Variants in ZC3H12B observed in about 807,000 individuals in gnomAD.
The protein encoded by ZC3H12B is zinc finger CCCH-type containing 12B.
Under a neutral mutation model 43.9 loss-of-function variants are expected in ZC3H12B, and 7 were observed. That is an observed-to-expected ratio of 0.16 (90% confidence interval 0.09 to 0.30). ZC3H12B has a LOEUF of 0.30. Ranked by LOEUF, ZC3H12B falls within the 10% of genes least tolerant of loss-of-function variation. The pLI is 1.00. For synonymous variants in ZC3H12B, 222 were observed against 241.7 expected (o/e 0.92, Z 0.76); for missense variants, 475 against 670.2 (o/e 0.71, Z 3.22).
chrX:65,343,134 A>G, the ZC3H12B span, among the ~76,000 whole-genome samples: 1 of 111,460 alleles, frequency 9.0e-6, no homozygotes, highest in Non-Finnish European at 1.9e-5. Context: ...TGAATCCCTC[A>G]AGAGACCAAT....
chrX:65,399,326 A>G (rs2066737523), intron 3 of ZC3H12B, among the ~76,000 whole-genome samples: 1 of 112,227 alleles, frequency 8.9e-6, no homozygotes, highest in Admixed American at 9.5e-5. Context: ...AAACACCTCT[A>G]TAGGAAAGGA....
At chrX:65,192,978 T>C in the ZC3H12B span, among the ~76,000 whole-genome samples, 1 of 110,972 alleles carries the variant, frequency 9.0e-6, no homozygotes, top group African/African-American at 3.3e-5. Flanking sequence ...TTCACCATGT[T>C]GGCCAGGATG....
chrX:65,458,124 A>G (rs1390759959), intron 3 of ZC3H12B, among the ~76,000 whole-genome samples: 1 of 103,997 alleles, frequency 9.6e-6, no homozygotes, highest in Non-Finnish European at 2.0e-5. Flanking sequence ...GCCATTACAT[A>G]ATGGTAAAGG....
the ZC3H12B span, among the ~76,000 whole-genome samples, chrX:65,099,936 G>T: frequency 8.9e-6 from 1 of 111,744 alleles, no homozygotes; most frequent in South Asian, 3.7e-4. Context: ...AAACTCCTCT[G>T]AGCAAAAGGA....
the ZC3H12B span, among the ~76,000 whole-genome samples, chrX:65,037,963 T>A: frequency 9.0e-6 from 1 of 111,155 alleles, no homozygotes; most frequent in African/African-American, 3.3e-5. Flanking sequence ...ATGTTTAAAC[T>A]GCAATTACAA....
the ZC3H12B span, among the ~76,000 whole-genome samples, chrX:65,228,007 G>T: frequency 1.8e-5 from 2 of 111,722 alleles, no homozygotes; most frequent in Non-Finnish European, 3.8e-5. Flanking sequence ...AAAAGAAAAA[G>T]AGGGAATCCT....
chrX:65,159,897 G>A, the ZC3H12B span, among the ~76,000 whole-genome samples: 1 of 111,580 alleles, frequency 9.0e-6, no homozygotes, highest in African/African-American at 3.3e-5. Context: ...TTGGCTGTGG[G>A]TTTGTCATAG....
chrX:65,456,239 C>T (rs1321470803), intron 3 of ZC3H12B, among the ~76,000 whole-genome samples: 25 of 111,318 alleles, frequency 2.2e-4, no homozygotes, highest in African/African-American at 6.2e-4. Flanking sequence ...ACCCATCTCA[C>T]GTGCAGAGAC....
intron 3 of ZC3H12B, among the ~76,000 whole-genome samples, chrX:65,409,100 TA>T (rs1325764059): frequency 9.0e-6 from 1 of 111,167 alleles, no homozygotes; most frequent in Non-Finnish European, 1.9e-5. Flanking sequence ...ATGCATTAAA[TA>T]TTGGGCAAAA....
chrX:65,175,083 A>G, the ZC3H12B span, among the ~76,000 whole-genome samples: 1 of 112,109 alleles, frequency 8.9e-6, no homozygotes, highest in Non-Finnish European at 1.9e-5. Context: ...AAAGCACAGT[A>G]TCTGGGCCAG....
the ZC3H12B span, among the ~76,000 whole-genome samples, chrX:65,194,952 G>C: frequency 9.0e-6 from 1 of 111,451 alleles, no homozygotes; most frequent in Non-Finnish European, 1.9e-5. Context: ...TTTTTGTCTT[G>C]AAATTTATTT....
chrX:65,170,307 G>T, the ZC3H12B span, among the ~76,000 whole-genome samples: 1 of 111,459 alleles, frequency 9.0e-6, no homozygotes. Context: ...TAATTTGGCT[G>T]GATATGAAAT....
At chrX:65,171,806 C>T in the ZC3H12B span, among the ~76,000 whole-genome samples, 5 of 111,410 alleles carry the variant, frequency 4.5e-5, no homozygotes, top group Non-Finnish European at 9.4e-5. Context: ...GTGCTAGCAA[C>T]GAGTGAGGCT....
At chrX:65,113,566 A>AT in the ZC3H12B span, among the ~76,000 whole-genome samples, 2 of 83,640 alleles carry the variant, frequency 2.4e-5, no homozygotes, top group African/African-American at 1.8e-4. Flanking sequence ...CTTGTTTTAT[A>AT]AAAAAAAAAA....
chrX:65,454,892 C>A (rs1393946401), intron 3 of ZC3H12B, among the ~76,000 whole-genome samples: 1 of 112,066 alleles, frequency 8.9e-6, no homozygotes, highest in African/African-American at 3.2e-5. Context: ...TTCCGGCAAA[C>A]TGCAACACAC....
chrX:65,247,125 T>C, the ZC3H12B span, among the ~76,000 whole-genome samples: 1 of 111,683 alleles, frequency 9.0e-6, no homozygotes, highest in Non-Finnish European at 1.9e-5. Flanking sequence ...CGACCATCAA[T>C]CATATGAGAA....
At chrX:65,372,514 A>AAGGC (rs1253986529) in intron 2 of ZC3H12B, among the ~76,000 whole-genome samples, 1 of 100,074 alleles carries the variant, frequency 1.0e-5, no homozygotes, top group African/African-American at 3.7e-5. Context: ...GGAAGGAAGG[A>AAGGC]AGGAAGGAAG....
the ZC3H12B span, among the ~76,000 whole-genome samples, chrX:65,122,733 T>A: frequency 9.0e-6 from 1 of 110,948 alleles, no homozygotes; most frequent in Non-Finnish European, 1.9e-5. Flanking sequence ...GGGGTTGCAA[T>A]CCTAGTCTGT....
chrX:65,431,181 G>C (rs2067157635), intron 3 of ZC3H12B, among the ~76,000 whole-genome samples: 1 of 112,712 alleles, frequency 8.9e-6, no homozygotes. Flanking sequence ...GGAATACCAT[G>C]ATGGTGATTA....
Sources: gnomAD v4.1 joint callset for allele counts (sites outside exome capture counted in the v4.1 genomes callset) on GRCh38, gnomAD v4.1.1 for gene constraint, MANE v1.5 for transcripts, NCBI Gene and HGNC (gene_info 2026-07-23, HGNC 2026-07-21) for gene names.